Variants in MACF1 observed in about 807,000 individuals in gnomAD.
MACF1 encodes microtubule-actin cross-linking factor 1.
A neutral mutation model predicts 854.8 loss-of-function variants in MACF1; 193 were observed. The ratio of observed to expected loss-of-function variants is 0.23; its 90% CI spans 0.20 to 0.25. The LOEUF (loss-of-function observed/expected upper bound fraction) is 0.25, where lower values mean the gene tolerates loss of function less well. Ranked by LOEUF, MACF1 falls within the 10% of genes least tolerant of loss-of-function variation. MACF1 has a pLI of 1.00. For missense variants in MACF1, 7,722 were observed against 8,929.1 expected (o/e 0.86, Z 5.45); for synonymous variants, 3,185 against 3,226.7 (o/e 0.99, Z 0.44).
rs760449356 is a variant in MACF1, at chr1:39,459,236, A to G, written c.21347A>G (p.Asp7116Gly). ...ERQRKLNDAL[D>G]RLEELKEFAN... The stretch of plus-strand genomic sequence containing the variant: ...CAAAGGAAACTGAATGATGCCTTGG[A>G]TCGGCTGGAGGAGGTAATGCCCTGC... Residue 7116 changes from aspartate to glycine, a missense_variant, in exon 91 of 101, where the codon GAT becomes GGT. Asp to Gly is a moderately conservative substitution (Grantham distance 94). Transcript: ENST00000564288. The G allele has an allele frequency of 1.2e-6, 2 of 1,613,428 alleles. No homozygotes were observed. The highest frequency in any genetic ancestry group is 8.5e-7 in the Non-Finnish European group (1 of 1,179,766).
chr1:39,257,707 T>G, intron 5 of MACF1: 1 of 456,618 alleles, frequency 2.2e-6, no homozygotes, highest in East Asian at 4.3e-5. Flanking sequence ...GAATTAGGGG[T>G]GAGAGTAGGG....
At chr1:39,385,411 T>G (rs1049941274) in intron 56 of MACF1, 23 bp from the exon 57 acceptor site, 1 of 1,609,538 alleles carries the variant, frequency 6.2e-7, no homozygotes, top group African/African-American at 1.3e-5. Flanking sequence ...TGTCTAAACA[T>G]CTTGGTGTCA....
intron 64 of MACF1, 81 bp from the exon 65 acceptor site, chr1:39,429,746 C>A: frequency 7.4e-7 from 1 of 1,345,958 alleles, no homozygotes; most frequent in Non-Finnish European, 1.0e-6. Flanking sequence ...GAAATTAAAG[C>A]TCTGATTTGA....
chr1:39,278,027 T>C (rs541253991), intron 6 of MACF1, among the ~76,000 whole-genome samples: 12 of 152,336 alleles, frequency 7.9e-5, no homozygotes, highest in South Asian at 2.1e-4. Context: ...AACCAAGCTT[T>C]GGGAAGTGTG....
chr1:39,472,954 TGTTGC>T (rs1403293864), intron 97 of MACF1, among the ~76,000 whole-genome samples: 1 of 152,234 alleles, frequency 6.6e-6, no homozygotes, highest in Non-Finnish European at 1.5e-5. Context: ...TTAATGCCTA[TGTTGC>T]GTGTCTTTGG....
rs1645024368 is a variant in MACF1, at chr1:39,250,161, C to T, written c.261+58C>T. On this transcript the variant is annotated intron_variant, in intron 3 of 100. Coordinates refer to ENST00000564288, the MANE Select transcript of MACF1 (RefSeq NM_001394062.1). The stretch of plus-strand genomic sequence containing the variant: ...GTGGCCCTACAAATGACATATTGGT[C>T]CATCTCATTGAGTGCAAGGGCAGCA... 12 of 1,189,484 alleles carry T rather than the reference C, an allele frequency of 1.0e-5. No individual in the cohort carries two copies. The South Asian group carries it at 1.3e-4, about 13-fold the overall frequency. The allele number at this position is 1,189,484 out of a possible 1,614,324, so 73.7% of individuals were successfully genotyped here.
intron 33 of MACF1, 144 bp from the exon 34 acceptor site, chr1:39,324,049 A>C: frequency 1.2e-6 from 1 of 804,766 alleles, no homozygotes; most frequent in Non-Finnish European, 1.9e-6. Context: ...GGCTGGGCTA[A>C]ATTATACTTG....
At position 39,336,135 on chromosome 1, in the gene MACF1, G is replaced by A. The variant is rs780038083; in HGVS notation, c.9547G>A (p.Gly3183Ser). 1.2e-6 allele frequency: 2 copies of A among 1,614,116 alleles called. No homozygotes were observed. The highest frequency in any genetic ancestry group is 1.7e-6 in the Non-Finnish European group (2 of 1,180,022). The part of the protein sequence containing the change: ...YQEVSFDPAR[G>S]LKLEEITVSR... ...AGAAGTATCTTTTGACCCAGCAAGA[G>A]GTCTTAAATTGGAAGAAATCACAGT... is the stretch of plus-strand genomic sequence containing the variant. Residue 3183 changes from glycine (G) to serine (S), a missense_variant, in exon 37 of 101, where the codon GGT becomes AGT. Transcript: ENST00000564288.
intron 6 of MACF1, among the ~76,000 whole-genome samples, chr1:39,266,237 T>TCATTC (rs1179212137): frequency 6.6e-6 from 1 of 152,260 alleles, no homozygotes; most frequent in Non-Finnish European, 1.5e-5. Flanking sequence ...TGCTTGTATG[T>TCATTC]CATTCATAAA....
intron 1 of MACF1, among the ~76,000 whole-genome samples, chr1:39,226,782 T>G (rs565635580): frequency 6.6e-6 from 1 of 152,228 alleles, no homozygotes; most frequent in Admixed American, 6.5e-5. Context: ...AACTTTTTCC[T>G]TTTTCATCTG....
intron 70 of MACF1, 92 bp downstream of exon 70, chr1:39,435,853 TC>T: frequency 8.9e-7 from 1 of 1,126,418 alleles, no homozygotes; most frequent in Non-Finnish European, 1.3e-6. Context: ...CTCAGGAATG[TC>T]CAGAGCAGCA....
chr1:39,357,405 C>A lies in MACF1; in HGVS notation c.11455C>A (p.Gln3819Lys). ...ARHQELLSQQQNFILATQSAQ... is the reference protein window; with the variant it reads ...ARHQELLSQQKNFILATQSAQ... ...TCACCAAGAATTGCTGTCCCAGCAG[C>A]AAAATTTCATTCTGGCCACCCAGTC... The change falls in exon 45 of 101, where the codon CAA becomes AAA. Residue 3819 changes from glutamine (Q) to lysine (K), a missense_variant. Coordinates refer to ENST00000564288, the MANE Select transcript of MACF1 (RefSeq NM_001394062.1). 6.2e-7 allele frequency: 1 copy of A among 1,613,056 alleles called. No individual in the cohort carries two copies. The highest frequency in any genetic ancestry group is 8.5e-7 in the Non-Finnish European group (1 of 1,179,548).
chr1:39,122,050 T>TTTACCTC (rs1051673202), intron 2 of MACF1, among the ~76,000 whole-genome samples: 1 of 152,154 alleles, frequency 6.6e-6, no homozygotes. Context: ...TTGTTTACCT[T>TTTACCTC]AAGACAGCCC....
Position 39,452,284 on chromosome 1 carries a change from T to C in MACF1, c.20547T>C (p.Thr6849=), listed in dbSNP as rs373978640. ...AAGGACAGCTCCAGGAACTGAGCAC[T>C]CGCTGGGACACTGTCTGTAAACTCT... is the stretch of plus-strand genomic sequence containing the variant. The part of the protein sequence containing the change: ...WVKGQLQELS[T]RWDTVCKLSV... The change falls in exon 86 of 101, where the codon ACT becomes ACC. Residue 6849 remains threonine (T), a synonymous_variant. Transcript: ENST00000564288. 2 of 1,614,082 alleles carry C rather than the reference T, an allele frequency of 1.2e-6. No individual in the cohort carries two copies. The highest frequency in any genetic ancestry group is 1.7e-6 in the Non-Finnish European group (2 of 1,180,022).
At position 39,335,020 on chromosome 1, in the gene MACF1, G is replaced by A; in HGVS notation, c.8432G>A (p.Ser2811Asn). The change falls in exon 37 of 101, where the codon AGT (serine) becomes AAT (asparagine). Residue 2811 changes from serine (S) to asparagine (N), a missense_variant. Transcript: ENST00000564288. ...AEMSCNKVEESERLFQVENQS... is the reference protein window; with the variant it reads ...AEMSCNKVEENERLFQVENQS... Reference sequence around the variant, plus strand: ...ATGAGTTGTAATAAAGTAGAAGAGAGTGAGAGATTATTTCAAGTTGAAAAT... The same window carrying A: ...ATGAGTTGTAATAAAGTAGAAGAGAATGAGAGATTATTTCAAGTTGAAAAT... 1.2e-6 allele frequency: 2 copies of A among 1,614,042 alleles called. No homozygotes were observed. The highest frequency in any genetic ancestry group is 1.7e-6 in the Non-Finnish European group (2 of 1,179,958).
At chr1:39,140,556 C>T (rs886303533) in intron 2 of MACF1, among the ~76,000 whole-genome samples, 2 of 152,140 alleles carry the variant, frequency 1.3e-5, no homozygotes. Flanking sequence ...GCCTAATAAA[C>T]ATTTATTGAA....
At chr1:39,430,127 A>G in intron 65 of MACF1, 59 bp downstream of exon 65, 1 of 1,551,898 alleles carries the variant, frequency 6.4e-7, no homozygotes, top group Non-Finnish European at 8.7e-7. Flanking sequence ...AGAATCCTTA[A>G]GTTTTATCAA....
chr1:39,236,073 G>A lies in MACF1; in HGVS notation c.171+4830G>A, dbSNP rs1380229713. Among the ~76,000 whole-genome samples, 4 of 152,158 alleles carry A rather than the reference G, an allele frequency of 2.6e-5. No homozygotes were observed. In the East Asian group the frequency reaches 7.7e-4, roughly 29 times the overall value. On this transcript the variant is annotated intron_variant, in intron 2 of 100. Transcript: ENST00000564288. ...ATTCTGTATACTAAGTCCTTTACATGGATTATTTCATTTAATCCTTCAGTG... is the reference window on the plus strand; with the variant it reads ...ATTCTGTATACTAAGTCCTTTACATAGATTATTTCATTTAATCCTTCAGTG...
In MACF1 at chr1:39,114,762, A is replaced by G. The variant is rs143527886; in HGVS notation, c.220+30324A>G. On this transcript the variant is annotated intron_variant, in intron 2 of 93. Transcript: ENST00000361689. ...ATTGGCAAACTGACAGTTACTGTCT[A>G]TTGTAGGGAGGGCTATCATATAGAT... Among the ~76,000 whole-genome samples, 1,239 of 152,284 alleles carry G rather than the reference A, an allele frequency of 8.1e-3. 19 individuals are homozygous for G. The highest frequency in any genetic ancestry group is 0.028 in the African/African-American group (1,172 of 41,544).
Sources: gnomAD v4.1 joint callset for allele counts (sites outside exome capture counted in the v4.1 genomes callset) on GRCh38, gnomAD v4.1.1 for gene constraint, MANE v1.5 for transcripts, NCBI Gene and HGNC (gene_info 2026-07-23, HGNC 2026-07-21) for gene names.